The following PLEKHM3 variants were observed in gnomAD, a reference collection of about 807,000 sequenced individuals.
The protein encoded by PLEKHM3 is pleckstrin homology domain containing M3.
PLEKHM3 carries 45 observed loss-of-function variants against 81.8 expected under a neutral mutation model. The observed-to-expected ratio is 0.55, with a 90% CI of 0.43 to 0.71. The LOEUF (loss-of-function observed/expected upper bound fraction) is 0.71. Ranked by LOEUF, PLEKHM3 falls within the 30% of genes least tolerant of loss-of-function variation. The pLI is 0.00. For missense variants in PLEKHM3, 788 were observed against 924.3 expected (o/e 0.85, Z 1.91); for synonymous variants, 352 against 356.4 (o/e 0.99, Z 0.14).
At chr2:207,872,643 GC>G (rs2092540756) in intron 6 of PLEKHM3, among the ~76,000 whole-genome samples, 1 of 152,276 alleles carries the variant, frequency 6.6e-6, no homozygotes, top group Admixed American at 6.5e-5. Context: ...TTTGAGACCA[GC>G]CTGGCCAACA....
intron 1 of PLEKHM3, among the ~76,000 whole-genome samples, chr2:208,023,115 T>C (rs761519085): frequency 3.3e-5 from 5 of 152,078 alleles, no homozygotes; most frequent in African/African-American, 7.2e-5. Context: ...TAAATTGTGG[T>C]AAAATATATA....
Position 207,867,318 on chromosome 2 carries a change from T to G in PLEKHM3, c.1951-6056A>C, listed in dbSNP as rs201739597. ...GCTCTTCCCATTTGTCAGCTTACAT[T>G]CATGGCCATGTTCCAAATGGCTGAA... On this transcript the variant is annotated intron_variant, in intron 6 of 7. Transcript: ENST00000427836. Among the ~76,000 whole-genome samples, 4 of 152,344 alleles carry G rather than the reference T, an allele frequency of 2.6e-5. No homozygotes were observed. The East Asian group carries it at 7.7e-4, about 29-fold the overall frequency.
intron 6 of PLEKHM3, among the ~76,000 whole-genome samples, chr2:207,902,057 G>A (rs1688448060): frequency 6.6e-6 from 1 of 152,178 alleles, no homozygotes; most frequent in African/African-American, 2.4e-5. Context: ...CAGGGCTGCT[G>A]AGAAGCTATG....
intron 6 of PLEKHM3, among the ~76,000 whole-genome samples, chr2:207,861,768 T>C (rs923494006): frequency 6.6e-6 from 1 of 152,198 alleles, no homozygotes; most frequent in East Asian, 1.9e-4. Context: ...CTGGTAAGTA[T>C]AGTAAAAAAA....
chr2:207,957,196 G>C (rs1439045378), intron 3 of PLEKHM3, among the ~76,000 whole-genome samples: 1 of 152,192 alleles, frequency 6.6e-6, no homozygotes, highest in Non-Finnish European at 1.5e-5. Context: ...CAAAAAATTT[G>C]AGCTACCAGA....
In PLEKHM3 at chr2:207,823,850, A is replaced by G. The variant is rs1210907574; in HGVS notation, c.*4469T>C. On this transcript the variant is annotated 3_prime_UTR_variant, in exon 8 of 8. Transcript: ENST00000427836. Reference sequence around the variant, plus strand: ...CAATGACTTGGATTTTCCCTCAGCCATGCACCCATTAAAACGCACTAAGGA... The same window carrying G: ...CAATGACTTGGATTTTCCCTCAGCCGTGCACCCATTAAAACGCACTAAGGA... 2.0e-5 allele frequency: 3 copies of G among 152,360 alleles called. No individual in the cohort carries two copies. In the East Asian group the frequency reaches 5.8e-4, roughly 29 times the overall value. 9.4% of individuals were successfully genotyped at this position (152,360 alleles called of 1,614,324 possible).
intron 6 of PLEKHM3, among the ~76,000 whole-genome samples, chr2:207,864,447 T>C (rs1309512940): frequency 1.3e-5 from 2 of 152,210 alleles, no homozygotes; most frequent in South Asian, 2.1e-4. Context: ...GGTTTTCTCA[T>C]TTTACTCTTC....
At chr2:207,846,715 C>A (rs1337583178) in intron 7 of PLEKHM3, among the ~76,000 whole-genome samples, 3 of 151,234 alleles carry the variant, frequency 2.0e-5, no homozygotes, top group Non-Finnish European at 4.4e-5. Flanking sequence ...AGAGCCAGAT[C>A]CTGTCTCAAA....
rs370336940 is a variant in PLEKHM3 at position 207,865,603 on chromosome 2, C to A, written c.1951-4341G>T. ...GACCAGCCTGGCCAACATGGTGAAACCCCATCTCTACTAAAAATACAAAAA... is the reference window on the plus strand; with the variant it reads ...GACCAGCCTGGCCAACATGGTGAAAACCCATCTCTACTAAAAATACAAAAA... On this transcript the variant is annotated intron_variant, in intron 6 of 7. Transcript: ENST00000427836. Among the ~76,000 whole-genome samples the A allele has an allele frequency of 2.7e-5, 4 of 150,594 alleles. No homozygotes were observed. In the East Asian group the frequency reaches 5.8e-4, roughly 22 times the overall value.
At chr2:207,834,120 TTTTCTC>T (rs1050897055) in intron 7 of PLEKHM3, among the ~76,000 whole-genome samples, 13 of 136,378 alleles carry the variant, frequency 9.5e-5, no homozygotes, top group Admixed American at 6.4e-4. Flanking sequence ...TCACTCTGAT[TTTTCTC>T]TTTCTTTTTT....
rs746058139 is a variant in PLEKHM3, at chr2:208,001,196, A to C, written c.444T>G (p.Ala148=). 8 of 1,613,992 alleles carry C rather than the reference A, an allele frequency of 5.0e-6. No homozygotes were observed. The Admixed American group carries it at 1.2e-4, about 24-fold the overall frequency. ...CTTGGGTAATATCTGATCGTGATCG[A>C]GCATGCCCTGGCTTGAAAGTTGAGG... ...DETSTFKPGH[A]RSRSDITQVD... Residue 148 remains alanine (A), a synonymous_variant, in exon 2 of 8, where the codon GCT becomes GCG. Transcript: ENST00000427836.
At chr2:207,901,521 C>T (rs1688425769) in intron 6 of PLEKHM3, among the ~76,000 whole-genome samples, 1 of 152,210 alleles carries the variant, frequency 6.6e-6, no homozygotes, top group African/African-American at 2.4e-5. Flanking sequence ...GTCACTCTTC[C>T]CGTTCCCCTC....
intron 2 of PLEKHM3, among the ~76,000 whole-genome samples, chr2:207,988,824 A>G (rs1043388948): frequency 6.6e-6 from 1 of 152,118 alleles, no homozygotes; most frequent in Non-Finnish European, 1.5e-5. Flanking sequence ...ATATCATCTT[A>G]TAACCCTTGT....
chr2:207,905,522 A>G (rs1178067862), intron 6 of PLEKHM3, among the ~76,000 whole-genome samples: 1 of 152,198 alleles, frequency 6.6e-6, no homozygotes, highest in East Asian at 1.9e-4. Context: ...AACAATTCAG[A>G]TCTAGAAAAC....
chr2:207,993,499 G>T (rs1187064035), intron 2 of PLEKHM3, among the ~76,000 whole-genome samples: 2 of 145,464 alleles, frequency 1.4e-5, no homozygotes, highest in African/African-American at 5.1e-5. Flanking sequence ...TCCCAAATTT[G>T]GCTTTTTTTT....
In PLEKHM3 at chr2:207,821,749, T is replaced by C. The variant is rs2092218792; in HGVS notation, c.*6570A>G. 6.6e-6 allele frequency: 1 copy of C among 151,988 alleles called. No individual in the cohort carries two copies. Among genetic ancestry groups the C allele is most frequent in the Admixed American group, 6.6e-5 (1 of 15,264 alleles). The allele number at this position is 151,988 out of a possible 1,614,324, so 9.4% of individuals were successfully genotyped here. A position where few individuals can be genotyped will look rare whatever the true frequency, so the allele number is the denominator to read the frequency against. On this transcript the variant is annotated 3_prime_UTR_variant, in exon 8 of 8. Coordinates refer to ENST00000427836, the MANE Select transcript of PLEKHM3 (RefSeq NM_001080475.3). ...TCCTTTAAAAAAAAAAGTATATATA[T>C]ATATTTTTCAAAGAGATGAGGGTCT... is the stretch of plus-strand genomic sequence containing the variant.
intron 1 of PLEKHM3, among the ~76,000 whole-genome samples, chr2:208,008,532 A>C (rs998083113): frequency 1.0e-4 from 15 of 149,368 alleles, no homozygotes; most frequent in Non-Finnish European, 1.5e-5. Flanking sequence ...AAAACAGACA[A>C]AAAAAAATGT....
chr2:207,991,006 A>G (rs944300561), intron 2 of PLEKHM3, among the ~76,000 whole-genome samples: 3 of 152,212 alleles, frequency 2.0e-5, no homozygotes, highest in African/African-American at 7.2e-5. Flanking sequence ...CAACAGTGAT[A>G]GAGCATAAGT....
At chr2:207,854,160 A>G (rs1345184524) in intron 7 of PLEKHM3, among the ~76,000 whole-genome samples, 1 of 152,198 alleles carries the variant, frequency 6.6e-6, no homozygotes, top group Non-Finnish European at 1.5e-5. Flanking sequence ...ATTTCTGAGG[A>G]CATAAAAATG....
Sources: allele counts gnomAD v4.1 joint callset (sites outside exome capture counted in the v4.1 genomes callset), GRCh38; gene constraint gnomAD v4.1.1; transcripts MANE v1.5; gene names NCBI Gene and HGNC (gene_info 2026-07-23, HGNC 2026-07-21).